NELL1: variants seen among roughly 807,000 people sequenced by gnomAD.
NELL1 encodes the protein protein kinase C-binding protein NELL1.
In NELL1, 76 loss-of-function variants were observed where a neutral mutation model predicts 107.4. That is an observed-to-expected ratio of 0.71 (90% CI 0.59 to 0.86). The LOEUF (loss-of-function observed/expected upper bound fraction) is 0.86, where lower values mean the gene tolerates loss of function less well. Among genes scored for constraint, NELL1 ranks in the 40% least tolerant of loss-of-function variants. NELL1 has a pLI of 0.00. For missense variants in NELL1, 1,024 were observed against 1,005.5 expected (o/e 1.02, Z -0.25); for synonymous variants, 353 against 341.2 (o/e 1.03, Z -0.38).
intron 7 of NELL1, among the ~76,000 whole-genome samples, chr11:20,923,453 C>T (rs1258264763): frequency 2.0e-5 from 3 of 152,128 alleles, no homozygotes; most frequent in Non-Finnish European, 4.4e-5. Context: ...GCTGCTACCT[C>T]AAGTAATAAA....
chr11:21,476,406 A>G (rs1261696995), intron 15 of NELL1, among the ~76,000 whole-genome samples: 1 of 152,166 alleles, frequency 6.6e-6, no homozygotes, highest in Non-Finnish European at 1.5e-5. Context: ...ATGGACCTCT[A>G]GAAAGACACA....
At chr11:20,968,554 T>A (rs1283850724) in intron 12 of NELL1, among the ~76,000 whole-genome samples, 2 of 152,246 alleles carry the variant, frequency 1.3e-5, no homozygotes, top group Admixed American at 1.3e-4. Context: ...TTATTTCATA[T>A]GAACGTCACT....
chr11:21,081,540 A>G (rs532445423), intron 12 of NELL1, among the ~76,000 whole-genome samples: 155 of 152,184 alleles, frequency 1.0e-3, no homozygotes, highest in African/African-American at 3.6e-3. Context: ...TACTCTAAAT[A>G]TATCTCTGGC....
intron 15 of NELL1, among the ~76,000 whole-genome samples, chr11:21,437,664 T>G (rs1307523425): frequency 6.6e-6 from 1 of 152,222 alleles, no homozygotes; most frequent in African/African-American, 2.4e-5. Flanking sequence ...TGGCTGAGCT[T>G]CATCTCTTTT....
Position 21,369,743 on chromosome 11 carries a change from G to A in NELL1, c.1550-1110G>A, listed in dbSNP as rs776771263. Among the ~76,000 whole-genome samples the A allele has an allele frequency of 4.0e-4, 61 of 152,032 alleles. 1 individual carries two copies. Among genetic ancestry groups the A allele is most frequent in the Admixed American group, 8.5e-4 (13 of 15,232 alleles). On this transcript the variant is annotated intron_variant, in intron 14 of 19. Transcript: ENST00000357134. ...CTTTCTTGTGAATAAAATAAACTCA[G>A]GGTTAACAGTTGCAATATCTTCATT...
chr11:21,002,598 C>T (rs960616268), intron 12 of NELL1, among the ~76,000 whole-genome samples: 2 of 152,198 alleles, frequency 1.3e-5, no homozygotes, highest in African/African-American at 2.4e-5. Context: ...AAACCTGCCT[C>T]TACATTCCAT....
intron 15 of NELL1, among the ~76,000 whole-genome samples, chr11:21,409,810 G>T (rs1852331535): frequency 6.8e-6 from 1 of 148,064 alleles, no homozygotes; most frequent in Non-Finnish European, 1.5e-5. Flanking sequence ...CCTTCTTACA[G>T]ATCATAGCTT....
intron 13 of NELL1, among the ~76,000 whole-genome samples, chr11:21,180,833 G>C (rs1456715826): frequency 6.6e-6 from 1 of 151,174 alleles, no homozygotes; most frequent in South Asian, 2.1e-4. Flanking sequence ...CTCTTTTAAA[G>C]AAATCTTTCT....
At chr11:21,304,268 A>G (rs942827753) in intron 14 of NELL1, among the ~76,000 whole-genome samples, 2 of 152,002 alleles carry the variant, frequency 1.3e-5, no homozygotes, top group African/African-American at 2.4e-5. Flanking sequence ...AATGCGTCCT[A>G]TGTATTATTT....
chr11:21,499,040 A>G (rs892666962), intron 15 of NELL1, among the ~76,000 whole-genome samples: 20 of 152,062 alleles, frequency 1.3e-4, no homozygotes, highest in African/African-American at 4.6e-4. Flanking sequence ...TCATTTTTTT[A>G]TCATTCATGC....
At chr11:21,268,321 C>T (rs377667643) in intron 14 of NELL1, among the ~76,000 whole-genome samples, 2 of 152,236 alleles carry the variant, frequency 1.3e-5, no homozygotes, top group African/African-American at 4.8e-5. Flanking sequence ...GAAAAATTCC[C>T]CTATGCTTCT....
intron 2 of NELL1, among the ~76,000 whole-genome samples, chr11:20,783,434 C>T (rs562580637): frequency 1.3e-5 from 2 of 152,280 alleles, no homozygotes; most frequent in South Asian, 4.2e-4. Context: ...ACAGCATTTC[C>T]GGGATTTGCA....
intron 2 of NELL1, among the ~76,000 whole-genome samples, chr11:20,774,938 T>G (rs1447271673): frequency 1.3e-5 from 2 of 152,000 alleles, no homozygotes; most frequent in Non-Finnish European, 2.9e-5. Context: ...TGCTGGTCAG[T>G]TATTGCCAAA....
intron 4 of NELL1, among the ~76,000 whole-genome samples, chr11:20,883,931 G>A (rs769324190): frequency 3.3e-5 from 5 of 152,102 alleles, no homozygotes; most frequent in South Asian, 2.1e-4. Flanking sequence ...AAATAGTTTC[G>A]TCTAAAATCG....
intron 3 of NELL1, among the ~76,000 whole-genome samples, chr11:20,813,160 A>G (rs1408868111): frequency 1.3e-5 from 2 of 151,684 alleles, no homozygotes; most frequent in African/African-American, 2.4e-5. Context: ...TCTGCAGGTT[A>G]CTCCAAGGAC....
intron 2 of NELL1, among the ~76,000 whole-genome samples, chr11:20,768,437 A>T (rs1305879502): frequency 1.3e-5 from 2 of 152,206 alleles, no homozygotes; most frequent in African/African-American, 4.8e-5. Flanking sequence ...CATGGCAAGG[A>T]GTTAGGGTTT....
chr11:21,365,922 C>T (rs914608188), intron 14 of NELL1, among the ~76,000 whole-genome samples: 1 of 152,086 alleles, frequency 6.6e-6, no homozygotes, highest in African/African-American at 2.4e-5. Context: ...CTCAACATCA[C>T]CACTATTGAC....
intron 12 of NELL1, among the ~76,000 whole-genome samples, chr11:21,111,896 T>G (rs911373579): frequency 2.6e-5 from 4 of 152,078 alleles, no homozygotes; most frequent in Admixed American, 1.3e-4. Flanking sequence ...TCACTTGTTA[T>G]GCCTATTTTC....
intron 13 of NELL1, among the ~76,000 whole-genome samples, chr11:21,174,399 T>C (rs920718377): frequency 1.3e-5 from 2 of 151,854 alleles, no homozygotes; most frequent in African/African-American, 2.4e-5. Flanking sequence ...GTAGCACTTA[T>C]AGTGGTGAGT....
Sources: gnomAD v4.1 joint callset for allele counts (sites outside exome capture counted in the v4.1 genomes callset) on GRCh38, gnomAD v4.1.1 for gene constraint, MANE v1.5 for transcripts, NCBI Gene and HGNC (gene_info 2026-07-23, HGNC 2026-07-21) for gene names.